Variants in COL14A1 observed in about 807,000 individuals in gnomAD.
COL14A1 encodes collagen alpha-1(XIV) chain.
Under a neutral mutation model 230.3 loss-of-function variants are expected in COL14A1, and 136 were observed. The observed-to-expected ratio is 0.59, with a 90% CI of 0.51 to 0.68. The LOEUF (loss-of-function observed/expected upper bound fraction) is 0.68. Ranked by LOEUF, COL14A1 falls within the 30% of genes least tolerant of loss-of-function variation. The probability of loss-of-function intolerance (pLI) is 0.00; values close to 1 mark genes in which losing one functional copy is unlikely to be tolerated. For missense variants in COL14A1, 1,976 were observed against 2,215.8 expected (o/e 0.89, Z 2.17); for synonymous variants, 792 against 784.1 (o/e 1.01, Z -0.17).
At chr8:120,331,060 G>C (rs1263742807) in intron 40 of COL14A1, among the ~76,000 whole-genome samples, 1 of 147,536 alleles carries the variant, frequency 6.8e-6, no homozygotes, top group Non-Finnish European at 1.5e-5. Context: ...AGCCAAGATC[G>C]TGCCATTGCA....
At chr8:120,253,981 G>A (rs1208133965) in intron 22 of COL14A1, among the ~76,000 whole-genome samples, 1 of 152,166 alleles carries the variant, frequency 6.6e-6, no homozygotes, top group African/African-American at 2.4e-5. Flanking sequence ...ATTTGTTTTT[G>A]TTAGGGGAAG....
At chr8:120,253,725 A>C (rs1586806923) in intron 22 of COL14A1, among the ~76,000 whole-genome samples, 2 of 152,080 alleles carry the variant, frequency 1.3e-5, no homozygotes, top group African/African-American at 2.4e-5. Context: ...GGAGTTTGAG[A>C]CCAGCCTGGC....
chr8:120,159,066 A>C (rs1362688309), intron 3 of COL14A1, among the ~76,000 whole-genome samples: 1 of 152,180 alleles, frequency 6.6e-6, no homozygotes, highest in African/African-American at 2.4e-5. Flanking sequence ...TCTTCTATAC[A>C]ATGAGCAAAC....
chr8:120,249,797 A>T (rs961031003), intron 21 of COL14A1, among the ~76,000 whole-genome samples: 2 of 152,226 alleles, frequency 1.3e-5, no homozygotes, highest in Non-Finnish European at 2.9e-5. Flanking sequence ...ATATACATGT[A>T]TGGTCATTTG....
rs1381809857 is a variant in COL14A1 at position 120,345,560 on chromosome 8, C to T, written c.5074C>T (p.Arg1692Ter). The change falls in exon 45 of 48, where the codon CGA becomes TGA. Residue 1692 changes from arginine (R) to a stop codon, truncating the protein, a stop_gained. Transcript: ENST00000297848. LOFTEE classifies it high-confidence loss of function. ...NAGVPGTPGE[R>*]GLTGIKGEKG... is the part of the protein sequence containing the mutation. Reference sequence around the variant, plus strand: ...AGGCGTGCCAGGGACCCCAGGAGAACGAGGTAAGCTGGGCCCCTTCTCTCA... The same window carrying T: ...AGGCGTGCCAGGGACCCCAGGAGAATGAGGTAAGCTGGGCCCCTTCTCTCA... 5.2e-6 allele frequency: 8 copies of T among 1,543,442 alleles called. No individual in the cohort carries two copies. Among genetic ancestry groups the T allele is most frequent in the East Asian group, 2.4e-5 (1 of 41,466 alleles).
chr8:120,365,017 A>G (rs1282255393), intron 45 of COL14A1, among the ~76,000 whole-genome samples: 1 of 137,374 alleles, frequency 7.3e-6, no homozygotes, highest in African/African-American at 3.3e-5. Context: ...TTTTTTTTTA[A>G]TATTTTTTGT....
intron 19 of COL14A1, among the ~76,000 whole-genome samples, chr8:120,232,704 T>A (rs978823418): frequency 6.6e-6 from 1 of 152,230 alleles, no homozygotes; most frequent in Non-Finnish European, 1.5e-5. Context: ...TCTTTGCTAT[T>A]GTGAGTAGTG....
chr8:120,198,622 C>T (rs1817125357), intron 7 of COL14A1, among the ~76,000 whole-genome samples: 1 of 152,114 alleles, frequency 6.6e-6, no homozygotes, highest in Non-Finnish European at 1.5e-5. Flanking sequence ...ATTTGGGATG[C>T]TCAACCAGCA....
In COL14A1 at chr8:120,208,660, A is replaced by G. The variant is rs117367306; in HGVS notation, c.1321+299A>G. 1.0e-3 allele frequency among the ~76,000 whole-genome samples: 154 copies of G among 152,314 alleles called. 4 individuals are homozygous for G. In the East Asian group the frequency reaches 0.011, roughly 11 times the overall value. On this transcript the variant is annotated intron_variant, in intron 11 of 47. Transcript: ENST00000297848. ...AATAAGTGTTTAGTAAATGCCTATT[A>G]TGAACTAAGAATTGTCCTTGAATTT...
chr8:120,351,557 T>G (rs1287746770), intron 45 of COL14A1, among the ~76,000 whole-genome samples: 1 of 120,516 alleles, frequency 8.3e-6, no homozygotes, highest in East Asian at 2.4e-4. Flanking sequence ...AAAGGGGATA[T>G]CACCACCGAT....
chr8:120,153,075 T>C (rs991978411), intron 2 of COL14A1, among the ~76,000 whole-genome samples: 1 of 126,496 alleles, frequency 7.9e-6, no homozygotes, highest in South Asian at 2.2e-4. Context: ...TAAAAAAAAA[T>C]CCCTGTAGCA....
Position 120,306,394 on chromosome 8 carries a change from T to C in COL14A1, c.4402-3615T>C, listed in dbSNP as rs796325555. Among the ~76,000 whole-genome samples the C allele has an allele frequency of 1.6e-4, 25 of 152,274 alleles. 1 individual carries two copies. The highest frequency in any genetic ancestry group is 6.0e-4 in the African/African-American group (25 of 41,548). ...AAGATGTAAAATGAGAAAAAAGCAA[T>C]TGAAAATTTATATTTCAAAAATTTC... On this transcript the variant is annotated intron_variant, in intron 36 of 47. Coordinates refer to ENST00000297848, the MANE Select transcript of COL14A1 (RefSeq NM_021110.4).
intron 1 of COL14A1, 139 bp downstream of exon 1, chr8:120,125,479 C>T (rs1814298271): frequency 6.6e-6 from 1 of 152,506 alleles, no homozygotes. Flanking sequence ...CCAGAATGGA[C>T]TGGGGACCTT....
chr8:120,292,042 C>T (rs907749838), intron 34 of COL14A1, among the ~76,000 whole-genome samples: 1 of 152,046 alleles, frequency 6.6e-6, no homozygotes, highest in Non-Finnish European at 1.5e-5. Context: ...TTTTGTTTTG[C>T]ATATATTCCA....
At chr8:120,275,524 T>C (rs933323178) in intron 26 of COL14A1, among the ~76,000 whole-genome samples, 5 of 144,746 alleles carry the variant, frequency 3.5e-5, no homozygotes, top group African/African-American at 1.4e-4. Flanking sequence ...TCTGAACAGC[T>C]AATCATCAGA....
intron 34 of COL14A1, among the ~76,000 whole-genome samples, 159 bp from the exon 35 acceptor site, chr8:120,297,352 A>C (rs1820560727): frequency 6.6e-6 from 1 of 152,028 alleles, no homozygotes. Flanking sequence ...TGTTTGAGGA[A>C]AAAAATTAGT....
intron 5 of COL14A1, among the ~76,000 whole-genome samples, chr8:120,181,301 A>C (rs2130640482): frequency 6.6e-6 from 1 of 152,332 alleles, no homozygotes; most frequent in East Asian, 1.9e-4. Context: ...CTGCCACATC[A>C]TGAAAAAATT....
At chr8:120,317,006 A>G (rs758235867) in intron 40 of COL14A1, among the ~76,000 whole-genome samples, 14 of 152,192 alleles carry the variant, frequency 9.2e-5, no homozygotes, top group Non-Finnish European at 1.8e-4. Flanking sequence ...CTTTAACATG[A>G]AGGCAATAGG....
intron 42 of COL14A1, among the ~76,000 whole-genome samples, chr8:120,338,956 C>T (rs72678235): frequency 5.9e-5 from 9 of 152,200 alleles, no homozygotes; most frequent in Non-Finnish European, 1.2e-4. Context: ...AAGGCACAGC[C>T]AGTACATTTA....
Sources: allele counts gnomAD v4.1 joint callset (sites outside exome capture counted in the v4.1 genomes callset), GRCh38; gene constraint gnomAD v4.1.1; transcripts MANE v1.5; gene names NCBI Gene and HGNC (gene_info 2026-07-23, HGNC 2026-07-21).